DMD: variants seen among roughly 807,000 people sequenced by gnomAD.
The protein encoded by DMD is dystrophin.
DMD carries 63 observed loss-of-function variants against 330.1 expected under a neutral mutation model. The observed-to-expected ratio is 0.19, with a 90% confidence interval of 0.16 to 0.24. The LOEUF is 0.24. DMD is among the 10% of genes least tolerant of loss of function. The pLI is 1.00. For missense variants in DMD, 3,344 were observed against 2,684.1 expected (o/e 1.25, Z -5.43); for synonymous variants, 1,223 against 959.8 (o/e 1.27, Z -5.07).
At chrX:32,589,085 GACATTTTGAAA>G (rs747396505) in intron 13 of DMD, among the ~76,000 whole-genome samples, 31 of 111,617 alleles carry the variant, frequency 2.8e-4, no homozygotes, top group African/African-American at 9.1e-4. Flanking sequence ...CTGATATTAT[GACATTTTGAAA>G]AACCATAGAG....
At chrX:31,566,359 T>C (rs1569551788) in intron 55 of DMD, among the ~76,000 whole-genome samples, 1 of 111,829 alleles carries the variant, frequency 8.9e-6, no homozygotes, top group Non-Finnish European at 1.9e-5. Flanking sequence ...AGGTGAGCTT[T>C]CTCTATTGAA....
At chrX:31,593,316 A>G (rs2076963381) in intron 55 of DMD, among the ~76,000 whole-genome samples, 1 of 111,291 alleles carries the variant, frequency 9.0e-6, no homozygotes, top group African/African-American at 3.3e-5. Context: ...GAATCTTCCA[A>G]CTGGATACTA....
At chrX:31,969,349 A>G (rs1308985478) in intron 44 of DMD, among the ~76,000 whole-genome samples, 6 of 112,028 alleles carry the variant, frequency 5.4e-5, no homozygotes, top group Non-Finnish European at 1.1e-4. Context: ...TTTTTAAAAA[A>G]GATAATCTAG....
rs137898199 is a variant in DMD at position 32,343,198 on chromosome X, C to T, written c.5675G>A (p.Cys1892Tyr). Residue 1892 changes from cysteine (C) to tyrosine (Y), a missense_variant, in exon 40 of 79, where the codon TGC (cysteine) becomes TAC (tyrosine). By Grantham distance (194) the Cys-to-Tyr change is radical. Transcript: ENST00000357033. ...TAATTTTTTTTCAATGTCATCCAAG[C>T]ATTTCAGGAGATCATCAGCCTGCCT... ...YKRQADDLLK[C>Y]LDDIEKKLAS... 2.5e-5 allele frequency: 30 copies of T among 1,207,834 alleles called. No homozygotes were observed. In the African/African-American group the frequency reaches 3.3e-4, roughly 13 times the overall value.
Position 32,213,277 on chromosome X carries a change from T to C in DMD, c.6438+3639A>G, listed in dbSNP as rs2097100100. Among the ~76,000 whole-genome samples the C allele has an allele frequency of 2.7e-5, 3 of 112,355 alleles. No individual in the cohort carries two copies. The South Asian group carries it at 1.1e-3, about 42-fold the overall frequency. On this transcript the variant is annotated intron_variant, in intron 44 of 78. Transcript: ENST00000357033. ...CATCCTGTCTTCTAAAATAATTTCA[T>C]AGTAAATATTGAAACTCATTCTCTT... is the stretch of plus-strand genomic sequence containing the variant.
chrX:32,336,006 TTATATATAACGTG>T (rs1557286332), intron 41 of DMD, among the ~76,000 whole-genome samples: 2 of 92,030 alleles, frequency 2.2e-5, no homozygotes, highest in Non-Finnish European at 4.4e-5. Flanking sequence ...ATATATAACG[TTATATATAACGTG>T]TATATATAAC....
intron 60 of DMD, among the ~76,000 whole-genome samples, chrX:31,384,589 T>G (rs769334286): frequency 5.4e-5 from 6 of 111,880 alleles, no homozygotes; most frequent in African/African-American, 1.9e-4. Flanking sequence ...CCCTAATGTC[T>G]GAGTGTCCAA....
intron 7 of DMD, among the ~76,000 whole-genome samples, chrX:32,721,146 A>T (rs952563800): frequency 9.0e-6 from 1 of 110,780 alleles, no homozygotes; most frequent in African/African-American, 3.3e-5. Context: ...GGCTATTATG[A>T]ATCATAACGC....
At chrX:31,543,371 A>G (rs2073956578) in intron 55 of DMD, among the ~76,000 whole-genome samples, 1 of 110,033 alleles carries the variant, frequency 9.1e-6, no homozygotes, top group African/African-American at 3.3e-5. Context: ...GGGTTTCATC[A>G]TGTTGGCCAG....
chrX:31,475,671 C>G (rs897319884), intron 59 of DMD, among the ~76,000 whole-genome samples: 1 of 111,498 alleles, frequency 9.0e-6, no homozygotes, highest in African/African-American at 3.3e-5. Flanking sequence ...ATTTCAAAAC[C>G]CTTAGTTTTC....
intron 44 of DMD, among the ~76,000 whole-genome samples, chrX:32,100,938 C>G (rs769203038): frequency 1.8e-5 from 2 of 111,424 alleles, no homozygotes; most frequent in East Asian, 5.7e-4. Flanking sequence ...ATTCATTTGT[C>G]TTTATTTCTT....
At chrX:31,512,369 T>A (rs1390300615) in intron 55 of DMD, among the ~76,000 whole-genome samples, 7 of 106,873 alleles carry the variant, frequency 6.5e-5, no homozygotes, top group Admixed American at 1.0e-4. Flanking sequence ...CTGGCTTTTG[T>A]TGCCATTGCT....
intron 34 of DMD, among the ~76,000 whole-genome samples, chrX:32,370,131 G>A (rs1450612996): frequency 9.0e-6 from 1 of 110,566 alleles, no homozygotes; most frequent in Non-Finnish European, 1.9e-5. Context: ...CCATATTACT[G>A]CAATTCTAAG....
upstream of DMD, among the ~76,000 whole-genome samples, chrX:33,215,926 C>G (rs907063251): frequency 3.6e-5 from 4 of 111,822 alleles, no homozygotes; most frequent in Admixed American, 3.8e-4. Context: ...TTACTGTAGG[C>G]TTATAGTATA....
intron 1 of DMD, among the ~76,000 whole-genome samples, chrX:33,056,531 T>G (rs1446754787): frequency 9.1e-6 from 1 of 109,464 alleles, no homozygotes; most frequent in Admixed American, 9.8e-5. Flanking sequence ...CGGCTAATTT[T>G]TTGTATTTTT....
chrX:31,996,066 G>A (rs766341751), intron 44 of DMD, among the ~76,000 whole-genome samples: 1 of 111,901 alleles, frequency 8.9e-6, no homozygotes, highest in South Asian at 3.7e-4. Flanking sequence ...ACTGCTGAAC[G>A]CCTTAACAAA....
intron 51 of DMD, among the ~76,000 whole-genome samples, chrX:31,740,111 G>A (rs965715000): frequency 6.3e-5 from 7 of 110,829 alleles, no homozygotes; most frequent in African/African-American, 9.8e-5. Flanking sequence ...TGTAAATTGC[G>A]GATCTTGAAA....
intron 44 of DMD, among the ~76,000 whole-genome samples, chrX:32,141,585 GCCTC>G (rs2096753512): frequency 9.0e-6 from 1 of 110,527 alleles, no homozygotes; most frequent in African/African-American, 3.3e-5. Flanking sequence ...TGCTCTCTGT[GCCTC>G]CTAAAACATC....
At chrX:31,764,546 C>T (rs2089863583) in intron 51 of DMD, among the ~76,000 whole-genome samples, 1 of 111,880 alleles carries the variant, frequency 8.9e-6, no homozygotes, top group South Asian at 3.7e-4. Flanking sequence ...TTACTCTCTC[C>T]AAATTACTCT....
Sources: allele counts gnomAD v4.1 joint callset (sites outside exome capture counted in the v4.1 genomes callset), GRCh38; gene constraint gnomAD v4.1.1; transcripts MANE v1.5; gene names NCBI Gene and HGNC (gene_info 2026-07-23, HGNC 2026-07-21).